FRMD4A: variants seen among roughly 807,000 people sequenced by gnomAD.
The protein encoded by FRMD4A is FERM domain containing 4A.
In FRMD4A, 29 loss-of-function variants were observed where a neutral mutation model predicts 129.1. The observed-to-expected ratio is 0.22, with a 90% confidence interval of 0.17 to 0.31. The LOEUF (loss-of-function observed/expected upper bound fraction) is 0.31. Among genes scored for constraint, FRMD4A ranks in the 10% least tolerant of loss-of-function variants. The pLI, the probability that FRMD4A is intolerant of heterozygous loss-of-function variation, is 1.00. For synonymous variants in FRMD4A, 634 were observed against 571.6 expected (o/e 1.11, Z -1.56); for missense variants, 1,272 against 1,375.8 (o/e 0.92, Z 1.19).
chr10:14,209,756 C>T (rs1348833678), intron 2 of FRMD4A, among the ~76,000 whole-genome samples: 1 of 149,544 alleles, frequency 6.7e-6, no homozygotes, highest in East Asian at 1.9e-4. Flanking sequence ...CATGGTGGTG[C>T]ATGCCTGCAG....
At chr10:13,654,126 G>T in intron 23 of FRMD4A, 2 of 531,448 alleles carry the variant, frequency 3.8e-6, no homozygotes, top group Non-Finnish European at 6.6e-6. Context: ...ATGCTGTCTG[G>T]AAATCTTACC....
chr10:14,158,720 G>A (rs1292848495), intron 2 of FRMD4A, among the ~76,000 whole-genome samples: 1 of 151,104 alleles, frequency 6.6e-6, no homozygotes, highest in African/African-American at 2.4e-5. Context: ...GTAGGAGGAA[G>A]AGGAGGATGA....
intron 2 of FRMD4A, among the ~76,000 whole-genome samples, chr10:14,259,156 T>G (rs939233295): frequency 6.6e-6 from 1 of 152,196 alleles, no homozygotes; most frequent in Non-Finnish European, 1.5e-5. Context: ...ATACATTAAT[T>G]ATGCCTTGAC....
chr10:14,073,181 AT>A (rs1379898178), intron 2 of FRMD4A, among the ~76,000 whole-genome samples: 1 of 152,134 alleles, frequency 6.6e-6, no homozygotes, highest in African/African-American at 2.4e-5. Flanking sequence ...TCTTTTATTC[AT>A]ATGCCCTCCC....
At position 13,666,277 on chromosome 10, in the gene FRMD4A, T is replaced by C; in HGVS notation, c.1423A>G (p.Ile475Val). ...LEREFAIQSQ[I>V]TEAARRLASD... ...GCTAGGCGGCGGGCGGCCTCCGTAA[T>C]CTGGGACTGAATGGCAAACTCTCGT... The change falls in exon 18 of 25, where the codon ATT becomes GTT. Residue 475 changes from isoleucine (I) to valine (V), a missense_variant. Transcript: ENST00000357447. 6.2e-7 allele frequency: 1 copy of C among 1,614,138 alleles called. No individual in the cohort carries two copies. Among genetic ancestry groups the C allele is most frequent in the Non-Finnish European group, 8.5e-7 (1 of 1,179,990 alleles).
chr10:14,238,445 A>C (rs1843910833), intron 2 of FRMD4A, among the ~76,000 whole-genome samples: 1 of 152,158 alleles, frequency 6.6e-6, no homozygotes, highest in Non-Finnish European at 1.5e-5. Context: ...TCATTTCTCC[A>C]AAGGATCTTT....
chr10:14,034,796 C>A (rs554954458), intron 2 of FRMD4A, among the ~76,000 whole-genome samples: 1 of 152,242 alleles, frequency 6.6e-6, no homozygotes, highest in African/African-American at 2.4e-5. Context: ...TCACACAGGC[C>A]GTCCCTAGAA....
At position 14,157,540 on chromosome 10, in the gene FRMD4A, G is replaced by A. The variant is rs145391768; in HGVS notation, c.45+172518C>T. 1.4e-3 allele frequency among the ~76,000 whole-genome samples: 220 copies of A among 152,284 alleles called. 1 individual carries two copies. Among genetic ancestry groups the A allele is most frequent in the Middle Eastern group, 3.4e-3 (1 of 294 alleles). On this transcript the variant is annotated intron_variant, in intron 2 of 24. Transcript: ENST00000357447. The stretch of plus-strand genomic sequence containing the variant: ...CACATTTAACTGATGCACTGATCAC[G>A]GTGACTGGAACTCGGCAAATGTCAT...
At chr10:14,037,220 G>A (rs183470293) in intron 2 of FRMD4A, among the ~76,000 whole-genome samples, 11 of 152,220 alleles carry the variant, frequency 7.2e-5, no homozygotes, top group Admixed American at 3.9e-4. Flanking sequence ...GTACTTCACT[G>A]TCCGGATCTG....
At chr10:14,096,972 T>C (rs1413257850) in intron 2 of FRMD4A, 1 of 151,262 alleles carries the variant, frequency 6.6e-6, no homozygotes, top group Non-Finnish European at 1.5e-5. Context: ...CCATCCCCGC[T>C]AAAAATACAA....
chr10:14,199,771 ATTC>A (rs1351354397), intron 2 of FRMD4A, among the ~76,000 whole-genome samples: 1 of 138,778 alleles, frequency 7.2e-6, no homozygotes, highest in East Asian at 2.1e-4. Flanking sequence ...TTAATCTTTC[ATTC>A]TTTTTTATAT....
In FRMD4A at chr10:13,933,382, G is replaced by A. The variant is rs147367802; in HGVS notation, c.46-74470C>T. 1.2e-4 allele frequency among the ~76,000 whole-genome samples: 18 copies of A among 152,270 alleles called. No homozygotes were observed. In the East Asian group the frequency reaches 3.5e-3, roughly 29 times the overall value. On this transcript the variant is annotated intron_variant, in intron 2 of 24. Transcript: ENST00000357447. The stretch of plus-strand genomic sequence containing the variant: ...AAATCCCCACAAATTCTGTAACGAG[G>A]CCCTTGAGCCCCTATGCTTGGGCCG...
intron 2 of FRMD4A, among the ~76,000 whole-genome samples, chr10:14,111,306 C>T (rs974175033): frequency 1.3e-5 from 2 of 152,062 alleles, no homozygotes; most frequent in African/African-American, 4.8e-5. Flanking sequence ...ATATTCTACC[C>T]TCGATTTATT....
chr10:14,121,524 T>C (rs888450641), intron 2 of FRMD4A, among the ~76,000 whole-genome samples: 6 of 152,148 alleles, frequency 3.9e-5, no homozygotes, highest in African/African-American at 1.4e-4. Flanking sequence ...AGTAAGAGTT[T>C]AAAAGAGGGG....
intron 3 of FRMD4A, among the ~76,000 whole-genome samples, chr10:13,848,326 C>G (rs995373996): frequency 6.6e-6 from 1 of 152,178 alleles, no homozygotes; most frequent in African/African-American, 2.4e-5. Flanking sequence ...TCTCCCTTTA[C>G]GTTTGAGCCA....
chr10:14,056,391 C>A (rs768490446), intron 2 of FRMD4A, among the ~76,000 whole-genome samples: 2 of 151,596 alleles, frequency 1.3e-5, no homozygotes, highest in African/African-American at 2.4e-5. Flanking sequence ...TCTCCCCAAC[C>A]CCCCGTGATT....
intron 2 of FRMD4A, among the ~76,000 whole-genome samples, chr10:14,075,450 C>T (rs1385271157): frequency 6.6e-6 from 1 of 152,158 alleles, no homozygotes; most frequent in African/African-American, 2.4e-5. Context: ...CGTAGCCTTC[C>T]TGGGCACTAG....
At chr10:14,135,788 A>G (rs765906823) in intron 2 of FRMD4A, among the ~76,000 whole-genome samples, 5 of 152,214 alleles carry the variant, frequency 3.3e-5, no homozygotes, top group Non-Finnish European at 5.9e-5. Context: ...ATGGAATATA[A>G]AGTGCTTTAT....
intron 2 of FRMD4A, among the ~76,000 whole-genome samples, chr10:14,039,270 C>T (rs552305891): frequency 3.0e-4 from 46 of 152,184 alleles, no homozygotes; most frequent in African/African-American, 1.1e-3. Context: ...AGGGTAGATG[C>T]CATATATACT....
Sources: allele counts gnomAD v4.1 joint callset (sites outside exome capture counted in the v4.1 genomes callset), GRCh38; gene constraint gnomAD v4.1.1; transcripts MANE v1.5; gene names NCBI Gene and HGNC (gene_info 2026-07-23, HGNC 2026-07-21).